CNTNAP1: variants seen among roughly 807,000 people sequenced by gnomAD.
CNTNAP1 encodes the protein contactin-associated protein 1.
A neutral mutation model predicts 161.5 loss-of-function variants in CNTNAP1; 80 were observed. That is an observed-to-expected ratio of 0.50 (90% CI 0.41 to 0.60). The LOEUF is 0.60. Among genes scored for constraint, CNTNAP1 ranks in the 20% least tolerant of loss-of-function variants. The pLI is 0.00. For missense variants in CNTNAP1, 1,464 were observed against 1,854.8 expected (o/e 0.79, Z 3.87); for synonymous variants, 695 against 733.1 (o/e 0.95, Z 0.84).
chr17:42,698,207 G>T (rs918984492), intron 23 of CNTNAP1, among the ~76,000 whole-genome samples: 3 of 152,182 alleles, frequency 2.0e-5, no homozygotes, highest in Admixed American at 2.0e-4. Context: ...GGATGCTACA[G>T]ATTTTTAAAT....
In CNTNAP1 at chr17:42,685,386, G is replaced by A; in HGVS notation, c.681G>A (p.Leu227=). The change falls in exon 5 of 24, where the codon CTG becomes CTA. Residue 227 remains leucine (L), a synonymous_variant. Coordinates refer to ENST00000264638, the MANE Select transcript of CNTNAP1 (RefSeq NM_003632.3). This position sits in a 1 kb window ranked among gnomAD's most constrained non-coding sequence, Gnocchi z 5.0. ...AGGGCGACTACGTGACGCTCGAGCT[G>A]GAGGGGGCACACCTGCTGCTGCACA... ...GAQGDYVTLE[L]EGAHLLLHMS... 6.2e-7 allele frequency: 1 copy of A among 1,605,070 alleles called. No individual in the cohort carries two copies. The highest frequency in any genetic ancestry group is 1.7e-4 in the Middle Eastern group (1 of 6,052).
intron 1 of CNTNAP1, chr17:42,683,450 T>C (rs1389575333): frequency 2.7e-6 from 3 of 1,094,718 alleles, no homozygotes; most frequent in South Asian, 2.9e-5. Flanking sequence ...GGGGGCCGAG[T>C]TGGATTGAGG....
At chr17:42,696,871 CA>C (rs1282132234) in intron 20 of CNTNAP1, among the ~76,000 whole-genome samples, 2 of 151,986 alleles carry the variant, frequency 1.3e-5, no homozygotes, top group Admixed American at 1.3e-4. Context: ...GGCTTAAAAC[CA>C]GGGTTTTAAA....
At position 42,698,100 on chromosome 17, in the gene CNTNAP1, G is replaced by T. The variant is rs993546983; in HGVS notation, c.3862+150G>T. 4 of 904,162 alleles carry T rather than the reference G, an allele frequency of 4.4e-6. No homozygotes were observed. The Admixed American group carries it at 5.9e-5, about 13-fold the overall frequency. 56.0% of individuals were successfully genotyped at this position (904,162 alleles called of 1,614,324 possible). A position where few individuals can be genotyped will look rare whatever the true frequency, so the allele number is the denominator to read the frequency against. Reference sequence around the variant, plus strand: ...GATGATGAGACAGGCTATGCTGAAGGTGCCATATAACTGGGCAGAGATTTT... The same window carrying T: ...GATGATGAGACAGGCTATGCTGAAGTTGCCATATAACTGGGCAGAGATTTT... On this transcript the variant is annotated intron_variant, in intron 23 of 23. Coordinates refer to ENST00000264638, the MANE Select transcript of CNTNAP1 (RefSeq NM_003632.3).
chr17:42,682,896 T>C lies in CNTNAP1; in HGVS notation c.67T>C (p.Tyr23His). Residue 23 changes from tyrosine (Y) to histidine (H), a missense_variant and splice_region_variant, in exon 1 of 24, where the codon TAC (tyrosine) becomes CAC (histidine). This residue lies in a region of CNTNAP1 where 77 missense variants were observed against 73.6 expected (regional missense o/e 1.05). Transcript: ENST00000264638. ...AVSGAEGWGY[Y>H]GCDEELVGPL... ...CTCAGGAGCCGAGGGCTGGGGCTACTGTGAGTGTTGGGCTTGGAGGCAGGT... is the reference window on the plus strand; with the variant it reads ...CTCAGGAGCCGAGGGCTGGGGCTACCGTGAGTGTTGGGCTTGGAGGCAGGT... 6.3e-7 allele frequency: 1 copy of C among 1,599,266 alleles called. No individual in the cohort carries two copies. The highest frequency in any genetic ancestry group is 1.7e-5 in the Admixed American group (1 of 58,288).
In CNTNAP1 at chr17:42,685,439, T is replaced by G. The variant is rs1317430582; in HGVS notation, c.715+19T>G. The G allele has an allele frequency of 1.3e-6, 2 of 1,593,988 alleles. No homozygotes were observed. Among genetic ancestry groups the G allele is most frequent in the South Asian group, 2.2e-5 (2 of 90,536 alleles). Reference sequence around the variant, plus strand: ...AGCCTGGGTGAGCTCGGCGACCATGTGCGATGCGGAGCCAACCCCTGAAGC... The same window carrying G: ...AGCCTGGGTGAGCTCGGCGACCATGGGCGATGCGGAGCCAACCCCTGAAGC... On this transcript the variant is annotated intron_variant, in intron 5 of 23. Coordinates refer to ENST00000264638, the MANE Select transcript of CNTNAP1 (RefSeq NM_003632.3). This position sits in a 1 kb window ranked among gnomAD's most constrained non-coding sequence, Gnocchi z 5.0.
chr17:42,688,901 G>T lies in CNTNAP1; in HGVS notation c.1482G>T (p.Trp494Cys), dbSNP rs2053051576. ...GTTGTCCCAAGCCAGCCAGTCGATGGGACTGCCACTCCAACCAGACGGCAT... is the reference window on the plus strand; with the variant it reads ...GTTGTCCCAAGCCAGCCAGTCGATGTGACTGCCACTCCAACCAGACGGCAT... ...FGGCPKPASR[W>C]DCHSNQTAFH... The change falls in exon 10 of 24, where the codon TGG becomes TGT. Residue 494 changes from tryptophan (W) to cysteine (C), a missense_variant. By Grantham distance (215) the Trp-to-Cys change is radical. Transcript: ENST00000264638. The T allele has an allele frequency of 1.9e-6, 3 of 1,613,650 alleles. No individual in the cohort carries two copies. The highest frequency in any genetic ancestry group is 2.5e-6 in the Non-Finnish European group (3 of 1,179,866).
At chr17:42,686,800 A>C in intron 6 of CNTNAP1, 103 bp from the exon 7 acceptor site, 1 of 1,371,330 alleles carries the variant, frequency 7.3e-7, no homozygotes, top group Non-Finnish European at 9.9e-7. Flanking sequence ...TAAGTCTTTT[A>C]CAAAACCCCA....
intron 16 of CNTNAP1, 31 bp from the exon 17 acceptor site, chr17:42,692,468 T>C (rs1288685055): frequency 6.3e-7 from 1 of 1,588,206 alleles, no homozygotes. Context: ...TCTGAGTCCT[T>C]TTCTCCCCTA....
In CNTNAP1 at chr17:42,690,763, G is replaced by A. The variant is rs147433219; in HGVS notation, c.1880G>A (p.Arg627Gln). The change falls in exon 13 of 24, where the codon CGG (arginine) becomes CAG (glutamine). Residue 627 changes from arginine (R) to glutamine (Q), a missense_variant. By Grantham distance (43) the Arg-to-Gln change is conservative. Around this residue, in one of 3 missense-constraint regions of CNTNAP1, gnomAD observed 1,383 missense variants for 1,765.0 expected, o/e 0.78. Coordinates refer to ENST00000264638, the MANE Select transcript of CNTNAP1 (RefSeq NM_003632.3). ...GAGAACCGAGCGTGGACAGTTGTGCGGCATGACAGGCTGTGGACAACTCGA... is the reference window on the plus strand; with the variant it reads ...GAGAACCGAGCGTGGACAGTTGTGCAGCATGACAGGCTGTGGACAACTCGA... Reference protein sequence around the residue: ...IRENRAWTVVRHDRLWTTRVT... With the variant: ...IRENRAWTVVQHDRLWTTRVT... 64 of 1,614,074 alleles carry A rather than the reference G, an allele frequency of 4.0e-5. No individual in the cohort carries two copies. Among genetic ancestry groups the A allele is most frequent in the Non-Finnish European group, 4.9e-5 (58 of 1,180,046 alleles).
chr17:42,690,919 A>G lies in CNTNAP1; in HGVS notation c.2036A>G (p.Asn679Ser), dbSNP rs1362544917. Residue 679 changes from asparagine to serine, a missense_variant, in exon 13 of 24, where the codon AAT becomes AGT. Physicochemically the swap from Asn to Ser is conservative, Grantham distance 46 (BLOSUM62 1). This residue lies in a region of CNTNAP1 where 1,383 missense variants were observed against 1,765.0 expected (regional missense o/e 0.78). Coordinates refer to ENST00000264638, the MANE Select transcript of CNTNAP1 (RefSeq NM_003632.3). ...CAGTGGATCGAGTTCTCCTGCTACA[A>G]TTCCCGGCTGCTCAACACTGCAGGT... is the stretch of plus-strand genomic sequence containing the variant. ...CEQWIEFSCY[N>S]SRLLNTAGGY... 1 of 1,614,040 alleles carries G rather than the reference A, an allele frequency of 6.2e-7. No individual in the cohort carries two copies. Among genetic ancestry groups the G allele is most frequent in the African/African-American group, 1.3e-5 (1 of 74,916 alleles).
chr17:42,690,022 G>A (rs1280502161), intron 11 of CNTNAP1, 66 bp from the exon 12 acceptor site: 21 of 1,579,962 alleles, frequency 1.3e-5, no homozygotes, highest in Admixed American at 1.7e-5. Flanking sequence ...TTACAGGCCC[G>A]AGCCGCCGCA....
In CNTNAP1 at chr17:42,688,087, A is replaced by G. The variant is rs1019236681; in HGVS notation, c.1306+106A>G. On this transcript the variant is annotated intron_variant, in intron 8 of 23. Coordinates refer to ENST00000264638, the MANE Select transcript of CNTNAP1 (RefSeq NM_003632.3). Reference sequence around the variant, plus strand: ...CTTTACATTCTGGAGAGGGGAGAGGAGTGAAGGGGGCAGGGCAGGAGGCCC... The same window carrying G: ...CTTTACATTCTGGAGAGGGGAGAGGGGTGAAGGGGGCAGGGCAGGAGGCCC... 9 of 1,476,680 alleles carry G rather than the reference A, an allele frequency of 6.1e-6. No homozygotes were observed. In the Admixed American group the frequency reaches 1.3e-4, roughly 22 times the overall value. The allele number at this position is 1,476,680 out of a possible 1,614,324, so 91.5% of individuals were successfully genotyped here.
In CNTNAP1 at chr17:42,691,408, C is replaced by G. The variant is rs1456854497; in HGVS notation, c.2241C>G (p.Thr747=). The G allele has an allele frequency of 3.7e-6, 6 of 1,613,906 alleles. No individual in the cohort carries two copies. The highest frequency in any genetic ancestry group is 5.1e-6 in the Non-Finnish European group (6 of 1,179,988). Residue 747 remains threonine, a synonymous_variant, in exon 15 of 24, where the codon ACC becomes ACG. Transcript: ENST00000264638. The surrounding 1 kb of genome is among the most constrained non-coding windows in gnomAD (Gnocchi z 4.3). Reference sequence around the variant, plus strand: ...GGAGAACTGACAAGGGACTGCTGACCTTTGTGGACCATCTGCCTGTCACTC... The same window carrying G: ...GGAGAACTGACAAGGGACTGCTGACGTTTGTGGACCATCTGCCTGTCACTC... ...PQWRTDKGLL[T]FVDHLPVTQV...
Position 42,691,626 on chromosome 17 carries a change from T to C in CNTNAP1, c.2344+115T>C. 6.8e-7 allele frequency: 1 copy of C among 1,473,846 alleles called. No individual in the cohort carries two copies. The highest frequency in any genetic ancestry group is 9.3e-7 in the Non-Finnish European group (1 of 1,076,968). The allele number at this position is 1,473,846 out of a possible 1,614,324, so 91.3% of individuals were successfully genotyped here. A position where few individuals can be genotyped will look rare whatever the true frequency, so the allele number is the denominator to read the frequency against. On this transcript the variant is annotated intron_variant, in intron 15 of 23. Coordinates refer to ENST00000264638, the MANE Select transcript of CNTNAP1 (RefSeq NM_003632.3). This position sits in a 1 kb window ranked among gnomAD's most constrained non-coding sequence, Gnocchi z 4.3. ...GGGGTGCCCGACCCCCAGCTCCTGC[T>C]GTGATGCGATCTCATTACCCCTCTG...
intron 3 of CNTNAP1, among the ~76,000 whole-genome samples, chr17:42,684,557 A>G (rs2143646380): frequency 6.6e-6 from 1 of 152,232 alleles, no homozygotes; most frequent in East Asian, 1.9e-4. Flanking sequence ...AGCAGGGAAG[A>G]CCAAGGAGTG....
At position 42,685,260 on chromosome 17, in the gene CNTNAP1, C is replaced by T. The variant is rs1309917201; in HGVS notation, c.555C>T (p.Tyr185=). The T allele has an allele frequency of 6.2e-7, 1 of 1,613,834 alleles. No individual in the cohort carries two copies. Among genetic ancestry groups the T allele is most frequent in the Non-Finnish European group, 8.5e-7 (1 of 1,180,038 alleles). Residue 185 remains tyrosine (Y), a synonymous_variant, in exon 5 of 24, where the codon TAC becomes TAT. Transcript: ENST00000264638. The surrounding 1 kb of genome is among the most constrained non-coding windows in gnomAD (Gnocchi z 5.0). ...TCGACGGCGACGATGCCATCTCCTA[C>T]CGCTTCCCGCGAGGGGTCAGCCGAA... ...LYFDGDDAIS[Y]RFPRGVSRSL...
At chr17:42,688,233 C>T (rs1021181704) in intron 8 of CNTNAP1, among the ~76,000 whole-genome samples, 2 of 152,232 alleles carry the variant, frequency 1.3e-5, no homozygotes, top group African/African-American at 2.4e-5. Context: ...CCAGAAGGCC[C>T]CTGGAGATTT....
chr17:42,699,489 G>A lies in CNTNAP1; in HGVS notation c.*579G>A, dbSNP rs1398036547. The A allele has an allele frequency of 6.5e-6, 1 of 152,708 alleles. No individual in the cohort carries two copies. Among genetic ancestry groups the A allele is most frequent in the Non-Finnish European group, 1.5e-5 (1 of 68,084 alleles). The allele number at this position is 152,708 out of a possible 1,614,324, so 9.5% of individuals were successfully genotyped here. A position where few individuals can be genotyped will look rare whatever the true frequency, so the allele number is the denominator to read the frequency against. On this transcript the variant is annotated 3_prime_UTR_variant, in exon 24 of 24. Coordinates refer to ENST00000264638, the MANE Select transcript of CNTNAP1 (RefSeq NM_003632.3). ...CAAGAGGCCTCAGTTTAGCACCTTAGTACCTCCGCTGCTTCACTTGCTTTA... is the reference window on the plus strand; with the variant it reads ...CAAGAGGCCTCAGTTTAGCACCTTAATACCTCCGCTGCTTCACTTGCTTTA...
Sources: gnomAD v4.1 joint callset for allele counts (sites outside exome capture counted in the v4.1 genomes callset) on GRCh38, gnomAD v4.1.1 for gene constraint, gnomAD v4.1.1 regional missense constraint, Gnocchi (gnomAD v3.1) non-coding constraint, MANE v1.5 for transcripts, NCBI Gene and HGNC (gene_info 2026-07-23, HGNC 2026-07-21) for gene names.